ZNF606: variants seen among roughly 807,000 people sequenced by gnomAD.
The protein encoded by ZNF606 is zinc finger protein 606, also known as zinc finger protein 328.
ZNF606 carries 37 observed loss-of-function variants against 74.9 expected under a neutral mutation model. The observed-to-expected ratio is 0.49, with a 90% CI of 0.38 to 0.65. The LOEUF is 0.65. Among genes scored for constraint, ZNF606 ranks in the 30% least tolerant of loss-of-function variants. ZNF606 has a pLI of 0.00. For synonymous variants in ZNF606, 328 were observed against 312.4 expected (o/e 1.05, Z -0.53); for missense variants, 852 against 952.9 (o/e 0.89, Z 1.39).
At chr19:57,981,726 A>G (rs1271109410) in intron 6 of ZNF606, among the ~76,000 whole-genome samples, 1 of 152,186 alleles carries the variant, frequency 6.6e-6, no homozygotes, top group Non-Finnish European at 1.5e-5. Flanking sequence ...CACCAACCCA[A>G]AGGGCAAACA....
chr19:57,980,424 T>A (rs2073067455), intron 6 of ZNF606, 145 bp from the exon 7 acceptor site: 1 of 769,732 alleles, frequency 1.3e-6, no homozygotes, highest in African/African-American at 1.8e-5. Flanking sequence ...AGAAAGATCA[T>A]AATAGGGAAA....
intron 4 of ZNF606, among the ~76,000 whole-genome samples, chr19:57,992,162 C>T (rs2073270914): frequency 6.6e-6 from 1 of 152,156 alleles, no homozygotes; most frequent in Non-Finnish European, 1.5e-5. Flanking sequence ...AGCAGTTCTG[C>T]AGTCCCTAAT....
chr19:58,002,567 A>G lies in ZNF606; in HGVS notation c.-223T>C. 1 of 433,972 alleles carries G rather than the reference A, an allele frequency of 2.3e-6. No individual in the cohort carries two copies. The highest frequency in any genetic ancestry group is 2.0e-5 in the African/African-American group (1 of 49,194). The allele number at this position is 433,972 out of a possible 1,614,324, so 26.9% of individuals were successfully genotyped here. ...GCGGAGCCGACGTGCAGCAGAGTTC[A>G]CCCAGGCCCGTCCGACCAGAAAACG... On this transcript the variant is annotated 5_prime_UTR_variant, in exon 1 of 7. Coordinates refer to ENST00000551380, the MANE Select transcript of ZNF606 (RefSeq NM_001348022.3).
chr19:57,992,590 A>G (rs1186764730), intron 4 of ZNF606, among the ~76,000 whole-genome samples: 1 of 152,218 alleles, frequency 6.6e-6, no homozygotes, highest in African/African-American at 2.4e-5. Flanking sequence ...GTAAAAACAT[A>G]TTTTAGAGAC....
At chr19:57,985,949 A>G (rs888793972) in intron 6 of ZNF606, among the ~76,000 whole-genome samples, 3 of 151,780 alleles carry the variant, frequency 2.0e-5, no homozygotes, top group Non-Finnish European at 2.9e-5. Context: ...ATAAATAAAT[A>G]AAATAAAATA....
In ZNF606 at chr19:57,995,369, T is replaced by C. The variant is rs1458666053; in HGVS notation, c.177+4439A>G. Among the ~76,000 whole-genome samples the C allele has an allele frequency of 2.0e-5, 3 of 151,902 alleles. No homozygotes were observed. The East Asian group carries it at 5.8e-4, about 29-fold the overall frequency. ...AAAGAGGAACTTATAAACCTGCCCA[T>C]AAAAGAAACTATGAACACAGAGGTG... On this transcript the variant is annotated intron_variant, in intron 4 of 6. Transcript: ENST00000551380.
At chr19:57,984,919 C>T (rs867809149) in intron 6 of ZNF606, among the ~76,000 whole-genome samples, 1 of 152,060 alleles carries the variant, frequency 6.6e-6, no homozygotes, top group South Asian at 2.1e-4. Context: ...ATGGTGAAAC[C>T]CCAACTCTAC....
rs1414684850 is a variant in ZNF606, at chr19:58,000,954, C to T, written c.32-215G>A. ...ACCGTTTTAAAATTACCAACCAATG[C>T]TATATAAGTAAAAACAATAAAGGTA... On this transcript the variant is annotated intron_variant, in intron 2 of 6. Coordinates refer to ENST00000551380, the MANE Select transcript of ZNF606 (RefSeq NM_001348022.3). 2.0e-5 allele frequency among the ~76,000 whole-genome samples: 3 copies of T among 152,106 alleles called. No homozygotes were observed. In the South Asian group the frequency reaches 6.2e-4, roughly 32 times the overall value.
intron 4 of ZNF606, among the ~76,000 whole-genome samples, chr19:57,990,224 G>A (rs1178970173): frequency 6.6e-6 from 1 of 151,290 alleles, no homozygotes; most frequent in African/African-American, 2.4e-5. Context: ...AATTAGCCAG[G>A]CGTGGTAGCA....
At chr19:57,998,159 G>C (rs1385421045) in intron 4 of ZNF606, 2 of 152,044 alleles carry the variant, frequency 1.3e-5, no homozygotes. Context: ...AATAAGTAAT[G>C]AAACTCTTTT....
chr19:57,989,041 C>G (rs2073210676), intron 4 of ZNF606, among the ~76,000 whole-genome samples: 1 of 152,162 alleles, frequency 6.6e-6, no homozygotes, highest in Non-Finnish European at 1.5e-5. Flanking sequence ...TCTGGAAAGG[C>G]AGTCATATAA....
At position 57,978,277 on chromosome 19, in the gene ZNF606, A is replaced by C; in HGVS notation, c.*24T>G. On this transcript the variant is annotated 3_prime_UTR_variant, in exon 7 of 7. Coordinates refer to ENST00000551380, the MANE Select transcript of ZNF606 (RefSeq NM_001348022.3). This position sits in a 1 kb window ranked among gnomAD's most constrained non-coding sequence, Gnocchi z 4.4. Reference sequence around the variant, plus strand: ...TTCCTCAATGTGTTGTCAAATGTACAAGAAACGAAAAACTCGCATAAATTC... The same window carrying C: ...TTCCTCAATGTGTTGTCAAATGTACCAGAAACGAAAAACTCGCATAAATTC... 6.5e-7 allele frequency: 1 copy of C among 1,533,660 alleles called. No homozygotes were observed. Among genetic ancestry groups the C allele is most frequent in the Non-Finnish European group, 8.8e-7 (1 of 1,141,642 alleles).
In ZNF606 at chr19:57,979,231, A is replaced by C. The variant is rs768463071; in HGVS notation, c.1449T>G (p.Pro483=). The C allele has an allele frequency of 6.2e-6, 10 of 1,613,758 alleles. No homozygotes were observed. The East Asian group carries it at 1.8e-4, about 29-fold the overall frequency. The change falls in exon 7 of 7, where the codon CCT becomes CCG. Residue 483 remains proline, a synonymous_variant. Coordinates refer to ENST00000551380, the MANE Select transcript of ZNF606 (RefSeq NM_001348022.3). ...ATTTCCCACACTCATTACAAACATA[A>C]GGTTTTTCTCCTGTATGAATTCTCT... is the stretch of plus-strand genomic sequence containing the variant. The part of the protein sequence containing the change: ...VHKRIHTGEK[P]YVCNECGKSF...
In ZNF606 at chr19:58,001,370, C is replaced by A; in HGVS notation, c.-51G>T. 1 of 1,613,090 alleles carries A rather than the reference C, an allele frequency of 6.2e-7. No individual in the cohort carries two copies. The highest frequency in any genetic ancestry group is 8.5e-7 in the Non-Finnish European group (1 of 1,179,298). ...TGCCCAGGAACACAGCAAATCCCAA[C>A]CTAGTGACAAAAGTGAAAAAAGACA... On this transcript the variant is annotated splice_region_variant and 5_prime_UTR_variant, in exon 2 of 7. Coordinates refer to ENST00000551380, the MANE Select transcript of ZNF606 (RefSeq NM_001348022.3).
chr19:57,986,346 G>A lies in ZNF606; in HGVS notation c.400+1861C>T, dbSNP rs1035395806. ...GTGCACCTATAGTCCCAGCTACTCA[G>A]GAGGCTGAGATGGGAGGATCACTTG... On this transcript the variant is annotated intron_variant, in intron 6 of 6. Coordinates refer to ENST00000551380, the MANE Select transcript of ZNF606 (RefSeq NM_001348022.3). Among the ~76,000 whole-genome samples, 4 of 152,026 alleles carry A rather than the reference G, an allele frequency of 2.6e-5. No homozygotes were observed. The East Asian group carries it at 7.8e-4, about 29-fold the overall frequency.
intron 6 of ZNF606, among the ~76,000 whole-genome samples, chr19:57,981,227 G>A (rs1471346877): frequency 1.3e-5 from 2 of 152,124 alleles, no homozygotes; most frequent in Non-Finnish European, 2.9e-5. Context: ...CTTGCTTGAG[G>A]AATTAAGTGT....
intron 4 of ZNF606, among the ~76,000 whole-genome samples, chr19:57,995,811 T>A (rs555383518): frequency 6.6e-5 from 10 of 152,232 alleles, no homozygotes; most frequent in African/African-American, 1.9e-4. Context: ...GCAGTGTGAC[T>A]GTCTCAAAAA....
In ZNF606 at chr19:57,980,164, G is replaced by A. The variant is rs754121654; in HGVS notation, c.516C>T (p.Ser172=). 3.7e-6 allele frequency: 6 copies of A among 1,614,000 alleles called. No individual in the cohort carries two copies. In the South Asian group the frequency reaches 6.6e-5, roughly 18 times the overall value. ...ERYIWDDPWF[S]RLEVLGCKDQ... is the part of the protein sequence containing the mutation. The stretch of plus-strand genomic sequence containing the variant: ...CTTTACATCCCAAAACTTCTAACCT[G>A]GAGAACCAAGGATCATCCCATATAT... The change falls in exon 7 of 7, where the codon TCC becomes TCT. Residue 172 remains serine (S), a synonymous_variant. Coordinates refer to ENST00000551380, the MANE Select transcript of ZNF606 (RefSeq NM_001348022.3).
Position 57,980,034 on chromosome 19 carries a change from C to G in ZNF606, c.646G>C (p.Gly216Arg). 6.2e-7 allele frequency: 1 copy of G among 1,613,588 alleles called. No homozygotes were observed. The change falls in exon 7 of 7, where the codon GGG becomes CGG. Residue 216 changes from glycine to arginine, a missense_variant. Gly to Arg is a moderately radical substitution (Grantham distance 125). Coordinates refer to ENST00000551380, the MANE Select transcript of ZNF606 (RefSeq NM_001348022.3). ...SQRSSEFCGLGAEFSQNLNFV... is the reference protein window; with the variant it reads ...SQRSSEFCGLRAEFSQNLNFV... ...TTTAAGTTCTGGCTAAACTCTGCCC[C>G]AAGTCCACAGAATTCAGAGCTTCTC...
Sources: gnomAD v4.1 joint callset for allele counts (sites outside exome capture counted in the v4.1 genomes callset) on GRCh38, gnomAD v4.1.1 for gene constraint, Gnocchi (gnomAD v3.1) non-coding constraint, MANE v1.5 for transcripts, NCBI Gene and HGNC (gene_info 2026-07-23, HGNC 2026-07-21) for gene names.